Variants in KCNAB1 observed in about 807,000 individuals in gnomAD.
KCNAB1 encodes the protein voltage-gated potassium channel subunit beta-1.
A neutral mutation model predicts 64.6 loss-of-function variants in KCNAB1; 35 were observed. That is an observed-to-expected ratio of 0.54 (90% confidence interval 0.41 to 0.72). The LOEUF (loss-of-function observed/expected upper bound fraction) is 0.72, where lower values mean the gene tolerates loss of function less well. KCNAB1 is among the 30% of genes least tolerant of loss of function. The pLI is 0.00. For synonymous variants in KCNAB1, 177 were observed against 183.8 expected (o/e 0.96, Z 0.30); for missense variants, 401 against 512.9 (o/e 0.78, Z 2.11).
chr3:156,488,872 T>G (rs967488549), intron 8 of KCNAB1, among the ~76,000 whole-genome samples: 2 of 152,076 alleles, frequency 1.3e-5, no homozygotes, highest in Admixed American at 6.6e-5. Flanking sequence ...AATAATGAAG[T>G]TAGAGGCAAC....
At chr3:156,251,180 C>A (rs971889) in intron 1 of KCNAB1, among the ~76,000 whole-genome samples, 4,365 of 152,276 alleles carry the variant, frequency 0.029, 237 homozygotes, top group South Asian at 0.23. Flanking sequence ...AGTATGCTTG[C>A]AAATATACAA....
chr3:156,302,090 G>A (rs1015382789), intron 1 of KCNAB1, among the ~76,000 whole-genome samples: 2 of 151,928 alleles, frequency 1.3e-5, no homozygotes, highest in Admixed American at 6.6e-5. Flanking sequence ...TGCCTTTTTC[G>A]GCTTCTAGAG....
intron 1 of KCNAB1, among the ~76,000 whole-genome samples, chr3:156,192,105 A>T (rs532358923): frequency 6.6e-6 from 1 of 152,288 alleles, no homozygotes; most frequent in African/African-American, 2.4e-5. Flanking sequence ...ATATAAATGA[A>T]ATCATACATG....
chr3:156,310,567 G>T (rs1259958512), intron 1 of KCNAB1, among the ~76,000 whole-genome samples: 2 of 152,148 alleles, frequency 1.3e-5, no homozygotes, highest in African/African-American at 4.8e-5. Context: ...ACTTTGGGAG[G>T]CCAAGGGGGG....
At chr3:156,157,703 A>G (rs552491299) in intron 1 of KCNAB1, among the ~76,000 whole-genome samples, 3 of 152,300 alleles carry the variant, frequency 2.0e-5, no homozygotes, top group Non-Finnish European at 2.9e-5. Flanking sequence ...CCACAGCTCA[A>G]TTTTTCAGTC....
chr3:156,453,728 TC>T (rs1202364259), intron 3 of KCNAB1, among the ~76,000 whole-genome samples: 2 of 152,182 alleles, frequency 1.3e-5, no homozygotes, highest in African/African-American at 4.8e-5. Context: ...GTCCCTCTGA[TC>T]CTTCCGTGTC....
At chr3:156,347,550 A>G (rs1724565289) in intron 1 of KCNAB1, among the ~76,000 whole-genome samples, 1 of 152,110 alleles carries the variant, frequency 6.6e-6, no homozygotes, top group African/African-American at 2.4e-5. Flanking sequence ...CTCATCCACC[A>G]GTTAGCACAT....
At chr3:156,195,230 G>T (rs1713838475) in intron 1 of KCNAB1, among the ~76,000 whole-genome samples, 1 of 152,142 alleles carries the variant, frequency 6.6e-6, no homozygotes, top group African/African-American at 2.4e-5. Flanking sequence ...GTTGTGAATA[G>T]TGCTGCAATA....
intron 1 of KCNAB1, among the ~76,000 whole-genome samples, chr3:156,354,450 C>T (rs1271260431): frequency 1.3e-5 from 2 of 151,762 alleles, no homozygotes; most frequent in East Asian, 1.9e-4. Context: ...CATGAGCCAC[C>T]GTGCCCAGCC....
At chr3:156,366,663 A>C (rs1167127337) in intron 1 of KCNAB1, among the ~76,000 whole-genome samples, 2 of 152,370 alleles carry the variant, frequency 1.3e-5, no homozygotes, top group East Asian at 3.8e-4. Context: ...CTTTAAGACA[A>C]GGATAATTCT....
intron 1 of KCNAB1, among the ~76,000 whole-genome samples, chr3:156,179,428 A>AC (rs1560123122): frequency 1.1e-5 from 1 of 91,384 alleles, no homozygotes; most frequent in African/African-American, 4.3e-5. Flanking sequence ...CCCCCCCCCC[A>AC]CCCCCTCACC....
rs141573598 is a variant in KCNAB1 at position 156,268,282 on chromosome 3, A to G, written c.275+147396A>G. 2.7e-3 allele frequency among the ~76,000 whole-genome samples: 404 copies of G among 152,310 alleles called. 1 individual carries two copies. Among genetic ancestry groups the G allele is most frequent in the African/African-American group, 9.3e-3 (386 of 41,574 alleles). On this transcript the variant is annotated intron_variant, in intron 1 of 13. Coordinates refer to ENST00000490337, the MANE Select transcript of KCNAB1 (RefSeq NM_172160.3). ...TTTATCCATCTATCTCTTGATGGAC[A>G]TGTAGGTTGCTTCCAATCTTGACTA...
intron 1 of KCNAB1, among the ~76,000 whole-genome samples, chr3:156,296,398 A>G (rs1720778835): frequency 6.6e-6 from 1 of 151,224 alleles, no homozygotes; most frequent in Non-Finnish European, 1.5e-5. Flanking sequence ...GTTTTAGAAC[A>G]TTGGCATATG....
chr3:156,407,116 G>A (rs1714298556), intron 1 of KCNAB1, among the ~76,000 whole-genome samples: 1 of 152,204 alleles, frequency 6.6e-6, no homozygotes. Context: ...ATTGAGAGGG[G>A]TTAAGCTGGT....
At chr3:156,179,623 T>G (rs1712668535) in intron 1 of KCNAB1, among the ~76,000 whole-genome samples, 1 of 152,122 alleles carries the variant, frequency 6.6e-6, no homozygotes, top group Admixed American at 6.5e-5. Context: ...TTGCATGAAA[T>G]GACTCTGTAA....
chr3:156,346,776 A>T (rs1451760335), intron 1 of KCNAB1, among the ~76,000 whole-genome samples: 1 of 152,228 alleles, frequency 6.6e-6, no homozygotes, highest in African/African-American at 2.4e-5. Context: ...AAAATCCAGA[A>T]GTTGATTAAT....
At chr3:156,406,505 G>A (rs1339629959) in intron 1 of KCNAB1, among the ~76,000 whole-genome samples, 1 of 152,110 alleles carries the variant, frequency 6.6e-6, no homozygotes, top group Non-Finnish European at 1.5e-5. Flanking sequence ...TGGAAAGGGG[G>A]ATTTTGGAGC....
intron 1 of KCNAB1, among the ~76,000 whole-genome samples, chr3:156,298,071 G>A (rs1008005621): frequency 3.3e-5 from 5 of 152,158 alleles, no homozygotes; most frequent in Non-Finnish European, 7.3e-5. Context: ...GGTGAGAATG[G>A]GGAGGTGGAA....
At chr3:156,252,592 A>T (rs2108466978) in intron 1 of KCNAB1, among the ~76,000 whole-genome samples, 1 of 152,296 alleles carries the variant, frequency 6.6e-6, no homozygotes. Context: ...CTGTCTTCAA[A>T]GTTGCAAGTT....
Sources: allele counts gnomAD v4.1 joint callset (sites outside exome capture counted in the v4.1 genomes callset), GRCh38; gene constraint gnomAD v4.1.1; transcripts MANE v1.5; gene names NCBI Gene and HGNC (gene_info 2026-07-23, HGNC 2026-07-21).